GAB2: variants seen among roughly 807,000 people sequenced by gnomAD.
The protein encoded by GAB2 is GRB2-associated-binding protein 2.
A neutral mutation model predicts 65.5 loss-of-function variants in GAB2; 26 were observed. The observed-to-expected ratio is 0.40, with a 90% CI of 0.29 to 0.55. The LOEUF is 0.55. Among genes scored for constraint, GAB2 ranks in the 20% least tolerant of loss-of-function variants. The pLI is 0.53. For synonymous variants in GAB2, 321 were observed against 329.6 expected, an observed-to-expected ratio of 0.97 and a Z score of 0.28; for missense variants, 884 against 875.8, an observed-to-expected ratio of 1.01 and a Z score of -0.12.
chr11:78,222,068 C>T (rs117050028), intron 7 of GAB2, 37 bp downstream of exon 7: 76 of 1,383,208 alleles, frequency 5.5e-5, no homozygotes, highest in Middle Eastern at 1.8e-4. Flanking sequence ...CCTAATGGCC[C>T]GACTCCAAGC....
intron 1 of GAB2, among the ~76,000 whole-genome samples, chr11:78,349,519 G>C (rs1201022227): frequency 6.6e-6 from 1 of 152,102 alleles, no homozygotes; most frequent in Non-Finnish European, 1.5e-5. Context: ...ATGTATGCTG[G>C]CATCAGACCA....
chr11:78,292,495 G>A (rs1170745360), intron 1 of GAB2, among the ~76,000 whole-genome samples: 1 of 152,170 alleles, frequency 6.6e-6, no homozygotes, highest in Non-Finnish European at 1.5e-5. Context: ...ACTCTCAGGT[G>A]GTGATGTGGT....
intron 3 of GAB2, among the ~76,000 whole-genome samples, chr11:78,238,341 A>G (rs984407023): frequency 6.6e-5 from 10 of 152,146 alleles, no homozygotes; most frequent in Middle Eastern, 3.4e-3. Context: ...ATATCTCTAC[A>G]AAAAATTAAT....
chr11:78,389,383 T>C (rs1258458902), intron 1 of GAB2, among the ~76,000 whole-genome samples: 1 of 151,738 alleles, frequency 6.6e-6, no homozygotes, highest in Non-Finnish European at 1.5e-5. Context: ...CTCGGCTCAC[T>C]GCAACCTCCG....
At chr11:78,309,369 A>G (rs1855438804) in intron 1 of GAB2, among the ~76,000 whole-genome samples, 1 of 151,944 alleles carries the variant, frequency 6.6e-6, no homozygotes. Context: ...GAAATTCCAT[A>G]CTAACTAACA....
At chr11:78,300,516 T>TAAAAAAAAC (rs138790128) in intron 1 of GAB2, among the ~76,000 whole-genome samples, 5,521 of 142,864 alleles carry the variant, frequency 0.039, 333 homozygotes, top group African/African-American at 0.13. Context: ...TTTAATTTTA[T>TAAAAAAAAC]AAAAAAACAA....
At chr11:78,309,227 A>C (rs1855436229) in intron 1 of GAB2, among the ~76,000 whole-genome samples, 1 of 152,200 alleles carries the variant, frequency 6.6e-6, no homozygotes, top group African/African-American at 2.4e-5. Context: ...AGCAATTAAA[A>C]AAATTGAGAT....
intron 2 of GAB2, among the ~76,000 whole-genome samples, chr11:78,253,697 C>T (rs920737379): frequency 3.3e-5 from 5 of 152,164 alleles, no homozygotes; most frequent in Non-Finnish European, 7.3e-5. Flanking sequence ...ATCTTTCTCT[C>T]ATCACTTTGT....
intron 2 of GAB2, among the ~76,000 whole-genome samples, chr11:78,271,745 C>T (rs1866013911): frequency 6.6e-6 from 1 of 152,176 alleles, no homozygotes. Flanking sequence ...GTAATCCCAG[C>T]ACTTTGGGAG....
intron 2 of GAB2, among the ~76,000 whole-genome samples, chr11:78,273,216 CA>C (rs1466621418): frequency 1.3e-5 from 2 of 152,236 alleles, no homozygotes; most frequent in African/African-American, 4.8e-5. Flanking sequence ...CACCATCCTC[CA>C]GACCCCAGAA....
At chr11:78,224,681 C>T (rs1425460800) in intron 5 of GAB2, among the ~76,000 whole-genome samples, 1 of 152,182 alleles carries the variant, frequency 6.6e-6, no homozygotes, top group Non-Finnish European at 1.5e-5. Context: ...TTCCAGAGGG[C>T]AGCCTGGGAT....
At chr11:78,361,492 A>C (rs998505726) in intron 1 of GAB2, among the ~76,000 whole-genome samples, 1 of 152,202 alleles carries the variant, frequency 6.6e-6, no homozygotes, top group African/African-American at 2.4e-5. Flanking sequence ...ATATTTCGCT[A>C]AAATTCACAA....
intron 1 of GAB2, chr11:78,318,225 G>A (rs949847067): frequency 2.0e-5 from 3 of 151,856 alleles, no homozygotes; most frequent in African/African-American, 7.3e-5. Context: ...TGAATCTGGT[G>A]GAACAGAGGC....
chr11:78,320,425 C>A (rs940356737), intron 1 of GAB2, among the ~76,000 whole-genome samples: 5 of 152,050 alleles, frequency 3.3e-5, no homozygotes, highest in Non-Finnish European at 7.4e-5. Context: ...GGAAGAGGGT[C>A]TTATCCTTGT....
intron 1 of GAB2, among the ~76,000 whole-genome samples, chr11:78,300,996 C>A (rs899028162): frequency 6.6e-5 from 10 of 152,052 alleles, no homozygotes; most frequent in African/African-American, 2.4e-4. Flanking sequence ...CACCCAGCCT[C>A]GCTGTGGTTT....
intron 1 of GAB2, among the ~76,000 whole-genome samples, chr11:78,396,255 A>G (rs1856893445): frequency 6.6e-6 from 1 of 152,260 alleles, no homozygotes; most frequent in African/African-American, 2.4e-5. Context: ...AAAGTATGGG[A>G]CACAGGACAG....
At chr11:78,227,498 A>T (rs138224430) in intron 3 of GAB2, among the ~76,000 whole-genome samples, 71 of 152,250 alleles carry the variant, frequency 4.7e-4, no homozygotes, top group Non-Finnish European at 2.9e-5. Context: ...GTTGAAAAGA[A>T]TTATTTGGGT....
chr11:78,417,414 C>G (rs535707479), intron 1 of GAB2, among the ~76,000 whole-genome samples: 4 of 152,022 alleles, frequency 2.6e-5, no homozygotes, highest in East Asian at 2.0e-4. Flanking sequence ...CAGCCGCACC[C>G]GCCTGGCGGA....
At chr11:78,347,295 T>C (rs898916890) in intron 1 of GAB2, among the ~76,000 whole-genome samples, 1 of 152,168 alleles carries the variant, frequency 6.6e-6, no homozygotes, top group African/African-American at 2.4e-5. Flanking sequence ...GAGATATGAA[T>C]GTCCTCCGAG....
Sources: allele counts gnomAD v4.1 joint callset (sites outside exome capture counted in the v4.1 genomes callset), GRCh38; gene constraint gnomAD v4.1.1; transcripts MANE v1.5; gene names NCBI Gene and HGNC (gene_info 2026-07-23, HGNC 2026-07-21).